Variants in ASTN2 observed in about 807,000 individuals in gnomAD.
ASTN2 encodes astrotactin-2.
A neutral mutation model predicts 139.8 loss-of-function variants in ASTN2; 54 were observed. That is an observed-to-expected ratio of 0.39 (90% confidence interval 0.31 to 0.48). The LOEUF is 0.48. Among genes scored for constraint, ASTN2 ranks in the 20% least tolerant of loss-of-function variants. The pLI, the probability that ASTN2 is intolerant of heterozygous loss-of-function variation, is 0.95. For synonymous variants in ASTN2, 756 were observed against 719.5 expected, an observed-to-expected ratio of 1.05 and a Z score of -0.81; for missense variants, 1,565 against 1,725.1, an observed-to-expected ratio of 0.91 and a Z score of 1.64.
intron 6 of ASTN2, among the ~76,000 whole-genome samples, chr9:117,016,620 C>T (rs369444914): frequency 6.2e-5 from 1 of 16,008 alleles, no homozygotes; most frequent in Non-Finnish European, 1.1e-4. Flanking sequence ...CTATATCTAT[C>T]TATCTATATA....
intron 19 of ASTN2, among the ~76,000 whole-genome samples, chr9:116,618,041 C>T (rs1287690514): frequency 2.6e-5 from 4 of 152,178 alleles, no homozygotes; most frequent in African/African-American, 7.2e-5. Flanking sequence ...TTCCCAGATA[C>T]AGAAAGGTCA....
chr9:116,648,396 T>G (rs573652883), intron 17 of ASTN2, among the ~76,000 whole-genome samples: 1 of 152,174 alleles, frequency 6.6e-6, no homozygotes, highest in South Asian at 2.1e-4. Context: ...GCTCCCAAAG[T>G]GCTGGGATTA....
At chr9:116,826,539 A>G (rs1831631248) in intron 11 of ASTN2, among the ~76,000 whole-genome samples, 1 of 152,000 alleles carries the variant, frequency 6.6e-6, no homozygotes, top group African/African-American at 2.4e-5. Flanking sequence ...AGCCCGCCCA[A>G]CCCATCACAG....
intron 19 of ASTN2, among the ~76,000 whole-genome samples, chr9:116,515,089 A>G (rs1349151308): frequency 6.6e-6 from 1 of 152,084 alleles, no homozygotes; most frequent in Non-Finnish European, 1.5e-5. Flanking sequence ...TGCGTCAGTC[A>G]CACTGGGAAC....
chr9:117,091,568 G>A (rs1004508198), intron 5 of ASTN2, among the ~76,000 whole-genome samples: 3 of 149,224 alleles, frequency 2.0e-5, no homozygotes, highest in African/African-American at 4.8e-5. Context: ...GAGGTCTCAC[G>A]TGATGGGGGG....
chr9:116,635,041 C>T (rs1026606789), intron 17 of ASTN2, among the ~76,000 whole-genome samples: 4 of 152,186 alleles, frequency 2.6e-5, no homozygotes, highest in Admixed American at 2.6e-4. Flanking sequence ...TTGCTAAATG[C>T]TTTACATGCA....
At chr9:117,167,532 G>A (rs1346134636) in intron 3 of ASTN2, among the ~76,000 whole-genome samples, 3 of 152,088 alleles carry the variant, frequency 2.0e-5, no homozygotes, top group South Asian at 2.1e-4. Flanking sequence ...TACTGTGGGT[G>A]CATGAACTCA....
chr9:117,018,316 A>T (rs1837775372), intron 6 of ASTN2, among the ~76,000 whole-genome samples: 1 of 152,202 alleles, frequency 6.6e-6, no homozygotes, highest in South Asian at 2.1e-4. Flanking sequence ...ACCCTTTTGT[A>T]TGAGATGTGC....
chr9:116,776,592 G>A (rs562065387), intron 13 of ASTN2, among the ~76,000 whole-genome samples: 4 of 152,114 alleles, frequency 2.6e-5, no homozygotes, highest in Non-Finnish European at 5.9e-5. Flanking sequence ...TGGTTATTGA[G>A]GTTTTGGGGG....
intron 12 of ASTN2, among the ~76,000 whole-genome samples, chr9:116,816,036 C>T (rs1197230509): frequency 1.3e-5 from 2 of 152,102 alleles, no homozygotes; most frequent in South Asian, 2.1e-4. Flanking sequence ...AAGAAGCACA[C>T]AGCCAAATTT....
chr9:116,455,877 TAAAACTATATACAATAG>T (rs1848318062), intron 20 of ASTN2, among the ~76,000 whole-genome samples: 1 of 151,664 alleles, frequency 6.6e-6, no homozygotes, highest in Non-Finnish European at 1.5e-5. Context: ...TTCAACACAA[TAAAACTATATACAATAG>T]ACACACAGCT....
chr9:116,492,299 C>T (rs978286327), intron 19 of ASTN2, among the ~76,000 whole-genome samples: 1 of 152,126 alleles, frequency 6.6e-6, no homozygotes, highest in Non-Finnish European at 1.5e-5. Context: ...CCATTCTGGT[C>T]TTGAACTCCT....
intron 6 of ASTN2, among the ~76,000 whole-genome samples, chr9:117,027,443 C>T (rs1838119636): frequency 6.6e-6 from 1 of 152,142 alleles, no homozygotes. Flanking sequence ...CCATTAGATC[C>T]ATTCATGCCC....
chr9:117,226,802 G>A (rs766296029), intron 2 of ASTN2, among the ~76,000 whole-genome samples: 9 of 152,120 alleles, frequency 5.9e-5, no homozygotes, highest in East Asian at 1.9e-4. Context: ...TGAAATGTTC[G>A]GTGTGTCTGG....
chr9:117,401,294 C>A (rs1830820842), intron 1 of ASTN2, among the ~76,000 whole-genome samples: 1 of 152,120 alleles, frequency 6.6e-6, no homozygotes, highest in African/African-American at 2.4e-5. Flanking sequence ...ACACTCCCTG[C>A]CTCCAAATAC....
At chr9:116,739,967 C>G (rs531033686) in intron 13 of ASTN2, among the ~76,000 whole-genome samples, 1 of 152,288 alleles carries the variant, frequency 6.6e-6, no homozygotes, top group Non-Finnish European at 1.5e-5. Context: ...GTCTAATATT[C>G]CATAAGAAGC....
intron 5 of ASTN2, among the ~76,000 whole-genome samples, chr9:117,072,579 C>T (rs1331321539): frequency 1.3e-5 from 2 of 152,150 alleles, no homozygotes; most frequent in Non-Finnish European, 1.5e-5. Flanking sequence ...TCAATTTGAA[C>T]AGATGTTTAG....
At chr9:117,105,154 C>T (rs1203497630) in intron 4 of ASTN2, among the ~76,000 whole-genome samples, 1 of 152,166 alleles carries the variant, frequency 6.6e-6, no homozygotes, top group Non-Finnish European at 1.5e-5. Context: ...TCTCATTTCC[C>T]TGCCCCCAAA....
At chr9:116,438,667 C>A (rs1419126415) in intron 22 of ASTN2, among the ~76,000 whole-genome samples, 2 of 152,194 alleles carry the variant, frequency 1.3e-5, no homozygotes, top group African/African-American at 2.4e-5. Context: ...AAATCTTGGG[C>A]CGGGCGGTGG....
Sources: allele counts gnomAD v4.1 joint callset (sites outside exome capture counted in the v4.1 genomes callset), GRCh38; gene constraint gnomAD v4.1.1; transcripts MANE v1.5; gene names NCBI Gene and HGNC (gene_info 2026-07-23, HGNC 2026-07-21).